Variants in MPP4 observed in about 807,000 individuals in gnomAD.
MPP4 encodes MAGUK p55 scaffold protein 4, also known as MAGUK p55 subfamily member 4.
MPP4 carries 91 observed loss-of-function variants against 98.3 expected under a neutral mutation model. The ratio of observed to expected loss-of-function variants is 0.93; its 90% CI spans 0.78 to 1.10. The LOEUF (loss-of-function observed/expected upper bound fraction) is 1.10. Ranked by LOEUF, MPP4 falls within the 50% of genes least tolerant of loss-of-function variation. The probability of loss-of-function intolerance (pLI) is 0.00; values close to 1 mark genes in which losing one functional copy is unlikely to be tolerated. For missense variants in MPP4, 744 were observed against 792.9 expected (o/e 0.94, Z 0.74); for synonymous variants, 261 against 271.8 (o/e 0.96, Z 0.39).
intron 12 of MPP4, among the ~76,000 whole-genome samples, chr2:201,668,441 T>C (rs1688243892): frequency 6.8e-6 from 1 of 146,976 alleles, no homozygotes; most frequent in East Asian, 1.9e-4. Flanking sequence ...TCAATCGATC[T>C]CTCTCTCTTT....
At chr2:201,685,227 GTCTTTC>G (rs1688790194) in intron 6 of MPP4, 82 bp from the exon 7 acceptor site, 1 of 227,754 alleles carries the variant, frequency 4.4e-6, no homozygotes, top group Non-Finnish European at 6.0e-6. Context: ...TGCAGCTCTG[GTCTTTC>G]AATCAATGCA....
chr2:201,675,167 T>G (rs745312856), intron 11 of MPP4, 40 bp downstream of exon 11: 1 of 1,575,698 alleles, frequency 6.3e-7, no homozygotes, highest in Admixed American at 1.8e-5. Context: ...TGGTCTTTAT[T>G]GCAAACAGGA....
At chr2:201,656,144 T>A in intron 17 of MPP4, 54 bp downstream of exon 17, 1 of 1,504,222 alleles carries the variant, frequency 6.6e-7, no homozygotes, top group Non-Finnish European at 8.9e-7. Context: ...GACACCTGAA[T>A]CTAGAAGGAA....
intron 1 of MPP4, 74 bp from the exon 2 acceptor site, chr2:201,694,128 A>C: frequency 1.4e-6 from 2 of 1,407,444 alleles, no homozygotes; most frequent in Non-Finnish European, 1.9e-6. Context: ...ACATCAAATG[A>C]AACACAGTCT....
In MPP4 at chr2:201,681,011, C is replaced by T. The variant is rs762523855; in HGVS notation, c.756G>A (p.Glu252=). ...QQMVYVRAMT[E]YWPQEDPDIP... ...TGTCGGGATCCTCCTGGGGCCAGTA[C>T]TCAGTCATGGCACGGACGTACACCT... The change falls in exon 10 of 22, where the codon GAG becomes GAA. Residue 252 remains glutamate (E), a synonymous_variant. Transcript: ENST00000409474. 1.9e-6 allele frequency: 3 copies of T among 1,613,772 alleles called. No individual in the cohort carries two copies. Among genetic ancestry groups the T allele is most frequent in the Middle Eastern group, 1.7e-4 (1 of 6,040 alleles).
chr2:201,660,414 A>G (rs1687992265), intron 14 of MPP4, 68 bp from the exon 15 acceptor site: 1 of 1,563,468 alleles, frequency 6.4e-7, no homozygotes, highest in East Asian at 2.2e-5. Context: ...CATGTTAGCC[A>G]TCAAATCAAG....
chr2:201,645,161 C>T lies in MPP4; in HGVS notation c.*49G>A, dbSNP rs990601184. 6 of 1,460,552 alleles carry T rather than the reference C, an allele frequency of 4.1e-6. No individual in the cohort carries two copies. Among genetic ancestry groups the T allele is most frequent in the East Asian group, 4.7e-5 (2 of 43,010 alleles). 90.5% of individuals were successfully genotyped at this position (1,460,552 alleles called of 1,614,324 possible). A position where few individuals can be genotyped will look rare whatever the true frequency, so the allele number is the denominator to read the frequency against. ...GTTGTTTTAGATTGCAACTATGGAT[C>T]GCTGTATCAAGGGTACAGTGTTAAA... On this transcript the variant is annotated 3_prime_UTR_variant, in exon 22 of 22. Transcript: ENST00000409474.
At chr2:201,673,571 A>T (rs1015778097) in intron 11 of MPP4, 13 of 173,570 alleles carry the variant, frequency 7.5e-5, no homozygotes, top group Non-Finnish European at 1.4e-4. Flanking sequence ...CAGTATAATT[A>T]AAAAAGAAAA....
chr2:201,662,055 G>A, intron 14 of MPP4: 2 of 387,814 alleles, frequency 5.2e-6, no homozygotes, highest in South Asian at 2.1e-5. Context: ...TAGAAAAGTG[G>A]TTCACAACTC....
chr2:201,660,277 T>C (rs1687987492), intron 15 of MPP4, 55 bp downstream of exon 15: 71 of 1,485,874 alleles, frequency 4.8e-5, no homozygotes, highest in Middle Eastern at 1.7e-4. Flanking sequence ...TTTGAGGCAC[T>C]GAAAGATCTT....
chr2:201,651,503 G>GT, intron 18 of MPP4: 1 of 985,404 alleles, frequency 1.0e-6, no homozygotes, highest in East Asian at 1.1e-4. Flanking sequence ...GTGAATTGAT[G>GT]TATAACTCGA....
chr2:201,678,030 C>T (rs577907260), intron 10 of MPP4, among the ~76,000 whole-genome samples: 15 of 152,284 alleles, frequency 9.9e-5, no homozygotes, highest in African/African-American at 3.6e-4. Flanking sequence ...CTGTCCCCAA[C>T]AAGACATTTG....
chr2:201,664,325 G>T (rs901294722), intron 13 of MPP4: 3 of 1,446,372 alleles, frequency 2.1e-6, no homozygotes, highest in Non-Finnish European at 2.8e-6. Context: ...ACAGTCAGGG[G>T]TGCAGCAGGA....
chr2:201,649,752 G>A, intron 19 of MPP4, 68 bp from the exon 20 acceptor site: 7 of 1,032,118 alleles, frequency 6.8e-6, no homozygotes, highest in Non-Finnish European at 1.0e-5. Flanking sequence ...GTAACATGAG[G>A]ATAAACTGCA....
At chr2:201,693,755 A>C in intron 2 of MPP4, 121 bp downstream of exon 2, 1 of 1,254,680 alleles carries the variant, frequency 8.0e-7, no homozygotes, top group Non-Finnish European at 1.2e-6. Flanking sequence ...TGCAACCAAA[A>C]ATGTACAAGA....
rs144963052 is a variant in MPP4, at chr2:201,681,283, T to G, written c.732+213A>C. ...TTAGGCTCAAATGTTCATGATTTTTTATGTTGCTTCTTGACTTCTTAGTAT... is the reference window on the plus strand; with the variant it reads ...TTAGGCTCAAATGTTCATGATTTTTGATGTTGCTTCTTGACTTCTTAGTAT... On this transcript the variant is annotated intron_variant, in intron 9 of 21. Transcript: ENST00000409474. Among the ~76,000 whole-genome samples the G allele has an allele frequency of 2.6e-3, 401 of 152,332 alleles. 1 individual carries two copies. The highest frequency in any genetic ancestry group is 9.1e-3 in the African/African-American group (379 of 41,576).
At chr2:201,649,049 G>A (rs186088720) in intron 20 of MPP4, among the ~76,000 whole-genome samples, 1 of 152,132 alleles carries the variant, frequency 6.6e-6, no homozygotes, top group Admixed American at 6.5e-5. Flanking sequence ...GGATGACAGA[G>A]CAGGGCCTTG....
rs115920957 is a variant in MPP4 at position 201,697,237 on chromosome 2, A to T, written c.-101+1350T>A. ...CCTCCAGAACTGTATGAGAAAATAC[A>T]TTTCTGTTGTTTAAGCCACTGTCTA... On this transcript the variant is annotated intron_variant, in intron 1 of 21. Transcript: ENST00000409474. 8.0e-3 allele frequency among the ~76,000 whole-genome samples: 1,217 copies of T among 152,310 alleles called. 15 individuals carry two copies. Among genetic ancestry groups the T allele is most frequent in the African/African-American group, 0.028 (1,163 of 41,570 alleles).
At chr2:201,673,069 A>G (rs1004600968) in intron 11 of MPP4, among the ~76,000 whole-genome samples, 8 of 152,226 alleles carry the variant, frequency 5.3e-5, no homozygotes, top group Admixed American at 2.6e-4. Flanking sequence ...CAACATATGC[A>G]AATCAATAAA....
Sources: allele counts gnomAD v4.1 joint callset (sites outside exome capture counted in the v4.1 genomes callset), GRCh38; gene constraint gnomAD v4.1.1; transcripts MANE v1.5; gene names NCBI Gene and HGNC (gene_info 2026-07-23, HGNC 2026-07-21).